Variants in CAPN1 observed in about 807,000 individuals in gnomAD.
CAPN1 encodes the protein calpain-1 catalytic subunit.
A neutral mutation model predicts 105.2 loss-of-function variants in CAPN1; 77 were observed. That is an observed-to-expected ratio of 0.73 (90% CI 0.61 to 0.88). CAPN1 has a LOEUF of 0.88. CAPN1 is among the 40% of genes least tolerant of loss of function. CAPN1 has a pLI of 0.00. For synonymous variants in CAPN1, 355 were observed against 388.8 expected (o/e 0.91, Z 1.02); for missense variants, 833 against 976.6 (o/e 0.85, Z 1.96).
Position 65,209,388 on chromosome 11 carries a change from G to A in CAPN1, c.1794+1G>A. 1 of 1,613,038 alleles carries A rather than the reference G, an allele frequency of 6.2e-7. No individual in the cohort carries two copies. Among genetic ancestry groups the A allele is most frequent in the Middle Eastern group, 1.6e-4 (1 of 6,062 alleles). On this transcript the variant is annotated splice_donor_variant, in intron 17 of 21. Coordinates refer to ENST00000279247, the MANE Select transcript of CAPN1 (RefSeq NM_005186.4). LOFTEE classifies it high-confidence loss of function. This position sits in a 1 kb window ranked among gnomAD's most constrained non-coding sequence, Gnocchi z 4.1. Reference sequence around the variant, plus strand: ...CCGCAGCATGGTGAACCTCATGGATGTATCCTTCCGTTTGCTTTTGTCTCC... The same window carrying A: ...CCGCAGCATGGTGAACCTCATGGATATATCCTTCCGTTTGCTTTTGTCTCC...
Position 65,210,814 on chromosome 11 carries a change from G to A in CAPN1, c.2060G>A (p.Arg687Gln). Residue 687 changes from arginine (R) to glutamine (Q), a missense_variant and splice_region_variant, in exon 21 of 22, where the codon CGA (arginine) becomes CAA (glutamine). Arg to Gln is a conservative substitution (Grantham distance 43). Coordinates refer to ENST00000279247, the MANE Select transcript of CAPN1 (RefSeq NM_005186.4). This position sits in a 1 kb window ranked among gnomAD's most constrained non-coding sequence, Gnocchi z 4.3. Reference sequence around the variant, plus strand: ...GTATCACCTTTTCTTGAACACACAGGATTTTTCAAAACTCTGGACACAGAT... The same window carrying A: ...GTATCACCTTTTCTTGAACACACAGAATTTTTCAAAACTCTGGACACAGAT... ...CCLVRLETMF[R>Q]FFKTLDTDLD... 1 of 1,613,474 alleles carries A rather than the reference G, an allele frequency of 6.2e-7. No individual in the cohort carries two copies. Among genetic ancestry groups the A allele is most frequent in the Non-Finnish European group, 8.5e-7 (1 of 1,179,484 alleles).
At chr11:65,189,598 T>C (rs79322818) in intron 10 of CAPN1, among the ~76,000 whole-genome samples, 255 of 152,280 alleles carry the variant, frequency 1.7e-3, no homozygotes, top group Non-Finnish European at 2.2e-3. Context: ...GCCTCTCCCA[T>C]CTTGCCTTCT....
intron 10 of CAPN1, among the ~76,000 whole-genome samples, chr11:65,194,179 G>A (rs1296005526): frequency 6.6e-6 from 1 of 151,852 alleles, no homozygotes; most frequent in Non-Finnish European, 1.5e-5. Flanking sequence ...TGTTGGCCAG[G>A]CTGGTCTTGA....
chr11:65,197,888 G>GAA (rs71049687), intron 10 of CAPN1, among the ~76,000 whole-genome samples: 24,819 of 83,126 alleles, frequency 0.3, 4,359 homozygotes, highest in Non-Finnish European at 0.38. Flanking sequence ...AACTCTATCT[G>GAA]AAAAAAAAAA....
chr11:65,185,361 T>C (rs767872119), intron 4 of CAPN1, among the ~76,000 whole-genome samples: 35 of 152,180 alleles, frequency 2.3e-4, no homozygotes, highest in Non-Finnish European at 3.8e-4. Context: ...TCTTGTTATG[T>C]AGATGAAACC....
At chr11:65,186,071 C>T (rs780807350) in intron 5 of CAPN1, 21 bp downstream of exon 5, 1 of 1,609,246 alleles carries the variant, frequency 6.2e-7, no homozygotes, top group Non-Finnish European at 8.5e-7. Context: ...GCTGAGGGGG[C>T]AACTCCAGCT....
At chr11:65,198,444 C>T (rs1948822503) in intron 10 of CAPN1, among the ~76,000 whole-genome samples, 1 of 152,134 alleles carries the variant, frequency 6.6e-6, no homozygotes, top group Non-Finnish European at 1.5e-5. Flanking sequence ...CTGTGCCCAG[C>T]CCTAATCAAT....
chr11:65,203,549 G>A (rs1948903961), intron 10 of CAPN1: 1 of 152,236 alleles, frequency 6.6e-6, no homozygotes, highest in Admixed American at 6.5e-5. Context: ...TAGTAGAGGT[G>A]GAGTTTCACC....
At chr11:65,190,687 G>GT (rs1029127981) in intron 10 of CAPN1, among the ~76,000 whole-genome samples, 6 of 150,088 alleles carry the variant, frequency 4.0e-5, no homozygotes, top group South Asian at 4.3e-4. Context: ...TCTCTTAGCT[G>GT]TTTTTTTTGT....
At position 65,188,824 on chromosome 11, in the gene CAPN1, C is replaced by T. The variant is rs946054462; in HGVS notation, c.1165+78C>T. The T allele has an allele frequency of 2.3e-5, 28 of 1,198,536 alleles. No homozygotes were observed. In the African/African-American group the frequency reaches 2.4e-4, roughly 10 times the overall value. The allele number at this position is 1,198,536 out of a possible 1,614,324, so 74.2% of individuals were successfully genotyped here. On this transcript the variant is annotated intron_variant, in intron 10 of 21. Transcript: ENST00000279247. This position sits in a 1 kb window ranked among gnomAD's most constrained non-coding sequence, Gnocchi z 5.5. ...AAGGCACGTCATCTTACTGAGCCTC[C>T]GTTTCCTCACTTGCAAGATATAGGC... is the stretch of plus-strand genomic sequence containing the variant.
At position 65,183,502 on chromosome 11, in the gene CAPN1, C is replaced by G; in HGVS notation, c.366C>G (p.Ala122=). The change falls in exon 4 of 22, where the codon GCC becomes GCG. Residue 122 remains alanine, a synonymous_variant. Transcript: ENST00000279247. ...LGDCWLLAAI[A]SLTLNDTLLH... is the part of the protein sequence containing the mutation. ...ACTGCTGGCTCTTGGCGGCCATCGC[C>G]TCCCTCACTCTCAACGACACCCTCC... 2 of 1,613,844 alleles carry G rather than the reference C, an allele frequency of 1.2e-6. No homozygotes were observed. The highest frequency in any genetic ancestry group is 1.1e-5 in the South Asian group (1 of 91,078).
At chr11:65,182,588 AC>A in intron 1 of CAPN1, 112 bp from the exon 2 acceptor site, 1 of 1,191,484 alleles carries the variant, frequency 8.4e-7, no homozygotes, top group Non-Finnish European at 1.1e-6. Flanking sequence ...AGGCAGGGAA[AC>A]CCTAGGTTTG....
At position 65,211,021 on chromosome 11, in the gene CAPN1, G is replaced by A. The variant is rs141531051; in HGVS notation, c.2118+149G>A. On this transcript the variant is annotated intron_variant, in intron 21 of 21. Transcript: ENST00000279247. ...GGGCCACCTGAATCCTGAAAGGCTG[G>A]GGTGGGGGTGTCTGGATTCTGGGAA... The A allele has an allele frequency of 1.5e-3, 1,195 of 795,474 alleles. 10 individuals carry two copies. In the African/African-American group the frequency reaches 0.017, roughly 11 times the overall value. 49.3% of individuals were successfully genotyped at this position (795,474 alleles called of 1,614,324 possible).
At chr11:65,195,868 G>A (rs1948786836) in intron 10 of CAPN1, among the ~76,000 whole-genome samples, 1 of 151,940 alleles carries the variant, frequency 6.6e-6, no homozygotes, top group Admixed American at 6.6e-5. Flanking sequence ...ACATTTCTTT[G>A]GTGAGAAGTT....
chr11:65,182,367 G>A (rs577211311), intron 1 of CAPN1: 58 of 271,014 alleles, frequency 2.1e-4, no homozygotes, highest in African/African-American at 1.2e-3. Flanking sequence ...CTTCCCTGCT[G>A]TGTCCCACCT....
intron 10 of CAPN1, among the ~76,000 whole-genome samples, chr11:65,202,978 A>G (rs558879948): frequency 6.6e-6 from 1 of 152,276 alleles, no homozygotes. Flanking sequence ...GAACAGGATC[A>G]TATAATACAT....
Position 65,211,387 on chromosome 11 carries a change from T to C in CAPN1, c.*101T>C. On this transcript the variant is annotated 3_prime_UTR_variant, in exon 22 of 22. Transcript: ENST00000279247. ...CAGGCCACCCCAGCTGCAAGTGCCT[T>C]CCTTGGAGCAGAGAGGCAGCCTCGT... is the stretch of plus-strand genomic sequence containing the variant. 1.7e-6 allele frequency: 2 copies of C among 1,164,548 alleles called. No individual in the cohort carries two copies. The highest frequency in any genetic ancestry group is 2.5e-6 in the Non-Finnish European group (2 of 794,326). The allele number at this position is 1,164,548 out of a possible 1,614,324, so 72.1% of individuals were successfully genotyped here.
Position 65,208,640 on chromosome 11 carries a change from G to A in CAPN1, c.1729+378G>A, listed in dbSNP as rs774276298. The A allele has an allele frequency of 1.8e-5, 6 of 338,574 alleles. No homozygotes were observed. Among genetic ancestry groups the A allele is most frequent in the Non-Finnish European group, 2.9e-5 (5 of 173,948 alleles). The allele number at this position is 338,574 out of a possible 1,614,324, so 21.0% of individuals were successfully genotyped here. A position where few individuals can be genotyped will look rare whatever the true frequency, so the allele number is the denominator to read the frequency against. ...AAAAAAGTACAAAAATTAGCTGGGC[G>A]TGGTGGCATGCACCTATAGTCCCAG... On this transcript the variant is annotated intron_variant, in intron 16 of 21. Coordinates refer to ENST00000279247, the MANE Select transcript of CAPN1 (RefSeq NM_005186.4). This position sits in a 1 kb window ranked among gnomAD's most constrained non-coding sequence, Gnocchi z 4.1.
At chr11:65,183,979 C>T (rs759522906) in intron 4 of CAPN1, among the ~76,000 whole-genome samples, 3 of 152,182 alleles carry the variant, frequency 2.0e-5, no homozygotes, top group Non-Finnish European at 4.4e-5. Context: ...TATCCCCCAA[C>T]TCCTCCTGCG....
Sources: gnomAD v4.1 joint callset for allele counts (sites outside exome capture counted in the v4.1 genomes callset) on GRCh38, gnomAD v4.1.1 for gene constraint, Gnocchi (gnomAD v3.1) non-coding constraint, MANE v1.5 for transcripts, NCBI Gene and HGNC (gene_info 2026-07-23, HGNC 2026-07-21) for gene names.